CSK: variants seen among roughly 807,000 people sequenced by gnomAD.
The protein encoded by CSK is C-terminal Src kinase, also known as tyrosine-protein kinase CSK.
In CSK, 7 loss-of-function variants were observed where a neutral mutation model predicts 62.3. The observed-to-expected ratio is 0.11, with a 90% CI of 0.06 to 0.21. CSK has a LOEUF of 0.21. CSK is among the 10% of genes least tolerant of loss of function. CSK has a pLI of 1.00. For synonymous variants in CSK, 237 were observed against 246.0 expected, an observed-to-expected ratio of 0.96 and a Z score of 0.34; for missense variants, 294 against 613.5, an observed-to-expected ratio of 0.48 and a Z score of 5.50.
chr15:74,797,702 G>T (rs2063727932), intron 1 of CSK, among the ~76,000 whole-genome samples: 1 of 151,696 alleles, frequency 6.6e-6, no homozygotes, highest in Non-Finnish European at 1.5e-5. Flanking sequence ...TTATTACAAA[G>T]CATGCCACTT....
Position 74,794,527 on chromosome 15 carries a change from G to A in CSK, c.-65-3706G>A, listed in dbSNP as rs548154411. Among the ~76,000 whole-genome samples the A allele has an allele frequency of 5.3e-5, 8 of 152,284 alleles. No individual in the cohort carries two copies. In the South Asian group the frequency reaches 1.4e-3, roughly 28 times the overall value. On this transcript the variant is annotated intron_variant, in intron 1 of 12. Coordinates refer to ENST00000220003, the MANE Select transcript of CSK (RefSeq NM_004383.3). Reference sequence around the variant, plus strand: ...CCTAAACAGCAGGATTGATGGCCTGGCCTCTGGGGATAGAAAGGGCCCTGT... The same window carrying A: ...CCTAAACAGCAGGATTGATGGCCTGACCTCTGGGGATAGAAAGGGCCCTGT...
At chr15:74,786,788 G>A (rs2063528338) in intron 1 of CSK, among the ~76,000 whole-genome samples, 1 of 152,156 alleles carries the variant, frequency 6.6e-6, no homozygotes, top group Admixed American at 6.5e-5. Flanking sequence ...TGTAGCCCCA[G>A]ATGACCCTAG....
chr15:74,796,222 CA>C (rs899938609), intron 1 of CSK, among the ~76,000 whole-genome samples: 78 of 138,876 alleles, frequency 5.6e-4, no homozygotes, highest in Admixed American at 1.5e-3. Context: ...CTTGCTGTCT[CA>C]AAAAAAAAAA....
chr15:74,796,222 C>CAAA (rs899938609), intron 1 of CSK, among the ~76,000 whole-genome samples: 6 of 139,132 alleles, frequency 4.3e-5, no homozygotes, highest in African/African-American at 1.6e-4. Context: ...CTTGCTGTCT[C>CAAA]AAAAAAAAAA....
chr15:74,799,476 C>T lies in CSK; in HGVS notation c.447C>T (p.Leu149=). The T allele has an allele frequency of 6.2e-7, 1 of 1,612,998 alleles. No individual in the cohort carries two copies. The highest frequency in any genetic ancestry group is 1.3e-5 in the African/African-American group (1 of 75,062). The change falls in exon 5 of 13, where the codon CTC becomes CTT. Residue 149 remains leucine (L), a synonymous_variant. Coordinates refer to ENST00000220003, the MANE Select transcript of CSK (RefSeq NM_004383.3). ...ACGAGGAGGTGTACTTTGAGAACCT[C>T]ATGCAGCTGGTGGAGGTGAGCTGGG... ...SIDEEVYFEN[L]MQLVEHYTSD...
In CSK at chr15:74,801,829, G is replaced by A. The variant is rs906627853; in HGVS notation, c.1022G>A (p.Ser341Asn). The A allele has an allele frequency of 6.2e-7, 1 of 1,613,664 alleles. No individual in the cohort carries two copies. The highest frequency in any genetic ancestry group is 1.3e-5 in the African/African-American group (1 of 74,936). ...TTTGGTCTCACCAAGGAGGCGTCCA[G>A]CACCCAGGACACGGGCAAGCTGCCA... The part of the protein sequence containing the change: ...SDFGLTKEAS[S>N]TQDTGKLPVK... The change falls in exon 11 of 13, where the codon AGC becomes AAC. Residue 341 changes from serine to asparagine, a missense_variant. Physicochemically the swap from Ser to Asn is conservative, Grantham distance 46 (BLOSUM62 1). Around this residue, in one of 3 missense-constraint regions of CSK, gnomAD observed 26 missense variants for 98.4 expected, o/e 0.26. Coordinates refer to ENST00000220003, the MANE Select transcript of CSK (RefSeq NM_004383.3).
chr15:74,795,949 G>A (rs2063698378), intron 1 of CSK, among the ~76,000 whole-genome samples: 1 of 152,180 alleles, frequency 6.6e-6, no homozygotes, highest in Non-Finnish European at 1.5e-5. Context: ...CGGGTGCAGT[G>A]GCTCACACCT....
At position 74,798,938 on chromosome 15, in the gene CSK, C is replaced by T; in HGVS notation, c.242C>T (p.Pro81Leu). 1.3e-6 allele frequency: 2 copies of T among 1,518,088 alleles called. No individual in the cohort carries two copies. The highest frequency in any genetic ancestry group is 1.8e-6 in the Non-Finnish European group (2 of 1,136,288). 94.0% of individuals were successfully genotyped at this position (1,518,088 alleles called of 1,614,324 possible). Residue 81 changes from proline (P) to leucine (L), a missense_variant and splice_region_variant, in exon 4 of 13, where the codon CCT becomes CTT. Physicochemically the swap from Pro to Leu is moderately conservative, Grantham distance 98 (BLOSUM62 -3). This residue lies in a region of CSK where 202 missense variants were observed against 415.7 expected (regional missense o/e 0.49). Transcript: ENST00000220003. This position sits in a 1 kb window ranked among gnomAD's most constrained non-coding sequence, Gnocchi z 6.6. ...VKAGTKLSLMPWFHGKITREQ... is the reference protein window; with the variant it reads ...VKAGTKLSLMLWFHGKITREQ... ...GCGGGTACCAAACTCAGCCTCATGCCGTGAGTACCACGAGGAGGGGTTGGG... is the reference window on the plus strand; with the variant it reads ...GCGGGTACCAAACTCAGCCTCATGCTGTGAGTACCACGAGGAGGGGTTGGG...
In CSK at chr15:74,802,608, A is replaced by G. The variant is rs2063810685; in HGVS notation, c.*95A>G. On this transcript the variant is annotated 3_prime_UTR_variant, in exon 13 of 13. Coordinates refer to ENST00000220003, the MANE Select transcript of CSK (RefSeq NM_004383.3). The stretch of plus-strand genomic sequence containing the variant: ...GCTCACTGGGCCCGAGCCTGAACTG[A>G]GCCCCAGCGGGCTGGCGGGCCTTTT... 3 of 1,490,984 alleles carry G rather than the reference A, an allele frequency of 2.0e-6. No individual in the cohort carries two copies. The highest frequency in any genetic ancestry group is 2.2e-5 in the Admixed American group (1 of 45,042). 92.4% of individuals were successfully genotyped at this position (1,490,984 alleles called of 1,614,324 possible).
At chr15:74,793,478 C>T (rs961447860) in intron 1 of CSK, among the ~76,000 whole-genome samples, 2 of 152,178 alleles carry the variant, frequency 1.3e-5, no homozygotes, top group Non-Finnish European at 2.9e-5. Context: ...AGGCACGGGG[C>T]TATGGGGAGG....
chr15:74,794,579 A>C (rs2063677125), intron 1 of CSK, among the ~76,000 whole-genome samples: 1 of 152,156 alleles, frequency 6.6e-6, no homozygotes, highest in Non-Finnish European at 1.5e-5. Context: ...AAGCTCTTTC[A>C]TCCAGGGGAT....
chr15:74,798,079 C>T lies in CSK; in HGVS notation c.-65-154C>T, dbSNP rs2063733827. The stretch of plus-strand genomic sequence containing the variant: ...GCCCTCATGCTCCTCTACCCAGTAC[C>T]GTCAGCCTGCCAGGACTGGAGAGAA... On this transcript the variant is annotated intron_variant, in intron 1 of 12. Coordinates refer to ENST00000220003, the MANE Select transcript of CSK (RefSeq NM_004383.3). The surrounding 1 kb of genome is among the most constrained non-coding windows in gnomAD (Gnocchi z 6.6). 4 of 557,212 alleles carry T rather than the reference C, an allele frequency of 7.2e-6. No homozygotes were observed. The highest frequency in any genetic ancestry group is 3.0e-5 in the East Asian group (1 of 32,986). 34.5% of individuals were successfully genotyped at this position (557,212 alleles called of 1,614,324 possible).
chr15:74,793,628 C>G, intron 1 of CSK, among the ~76,000 whole-genome samples: 1 of 152,242 alleles, frequency 6.6e-6, no homozygotes, highest in South Asian at 2.1e-4. Context: ...AATAGCTTCT[C>G]TGTCTCAGAG....
chr15:74,787,073 C>T (rs938289566), intron 1 of CSK, among the ~76,000 whole-genome samples: 1 of 152,182 alleles, frequency 6.6e-6, no homozygotes, highest in South Asian at 2.1e-4. Flanking sequence ...CAGTTTCCCC[C>T]GCCCTTGGTT....
chr15:74,788,400 ACT>A (rs2063557504), intron 1 of CSK: 1 of 152,130 alleles, frequency 6.6e-6, no homozygotes, highest in African/African-American at 2.4e-5. Flanking sequence ...GGTTCAGACA[ACT>A]CTGAGCTCAA....
chr15:74,799,620 C>T, intron 5 of CSK, 129 bp downstream of exon 5: 1 of 936,654 alleles, frequency 1.1e-6, no homozygotes, highest in Non-Finnish European at 1.6e-6. Context: ...TTCTGTGAGC[C>T]CTTGTTTCCT....
chr15:74,800,966 G>C, intron 8 of CSK, 44 bp downstream of exon 8: 1 of 1,612,962 alleles, frequency 6.2e-7, no homozygotes. Context: ...TAGGTTAGGA[G>C]TGAGGCACCA....
intron 1 of CSK, among the ~76,000 whole-genome samples, chr15:74,787,989 G>A (rs912936234): frequency 3.3e-5 from 5 of 152,232 alleles, no homozygotes; most frequent in African/African-American, 1.2e-4. Context: ...TCAGTGAGGG[G>A]AGGCCTGTGG....
Position 74,800,940 on chromosome 15 carries a change from A to AG in CSK, c.722+24dup. On this transcript the variant is annotated intron_variant, in intron 8 of 12. Transcript: ENST00000220003. Reference sequence around the variant, plus strand: ...GTCATGACGTGAGTGGGGGCGGGGTAGGGGGGAGGTTGGCCTAGGTTAGGA... The same window carrying AG: ...GTCATGACGTGAGTGGGGGCGGGGTAGGGGGGGAGGTTGGCCTAGGTTAGGA... The AG allele has an allele frequency of 6.2e-7, 1 of 1,612,170 alleles. No individual in the cohort carries two copies. The highest frequency in any genetic ancestry group is 8.5e-7 in the Non-Finnish European group (1 of 1,179,408).
Sources: gnomAD v4.1 joint callset for allele counts (sites outside exome capture counted in the v4.1 genomes callset) on GRCh38, gnomAD v4.1.1 for gene constraint, gnomAD v4.1.1 regional missense constraint, Gnocchi (gnomAD v3.1) non-coding constraint, MANE v1.5 for transcripts, NCBI Gene and HGNC (gene_info 2026-07-23, HGNC 2026-07-21) for gene names.